The following NEBL variants were observed in gnomAD, a reference collection of about 807,000 sequenced individuals.
The protein encoded by NEBL is nebulette, also known as LIM and SH3 protein 2.
NEBL carries 122 observed loss-of-function variants against 140.2 expected under a neutral mutation model. The observed-to-expected ratio is 0.87, with a 90% CI of 0.75 to 1.01. The LOEUF is 1.01. Among genes scored for constraint, NEBL ranks in the 50% least tolerant of loss-of-function variants. The probability of loss-of-function intolerance (pLI) is 0.00; values close to 1 mark genes in which losing one functional copy is unlikely to be tolerated. For missense variants in NEBL, 1,365 were observed against 1,231.3 expected (o/e 1.11, Z -1.62); for synonymous variants, 436 against 398.9 (o/e 1.09, Z -1.11).
upstream of NEBL, among the ~76,000 whole-genome samples, chr10:20,901,875 G>A (rs528078176): frequency 3.9e-5 from 6 of 152,272 alleles, no homozygotes; most frequent in Admixed American, 2.6e-4. Flanking sequence ...ACTGATGGAC[G>A]AGGCAAGATA....
At chr10:21,132,175 C>G (rs967592186) in intron 2 of NEBL, among the ~76,000 whole-genome samples, 2 of 152,140 alleles carry the variant, frequency 1.3e-5, no homozygotes, top group Admixed American at 1.3e-4. Context: ...TAACTGCTAA[C>G]CTACTTTCTG....
intron 4 of NEBL, among the ~76,000 whole-genome samples, chr10:20,939,346 T>C (rs1429816736): frequency 6.6e-6 from 1 of 151,976 alleles, no homozygotes; most frequent in African/African-American, 2.4e-5. Context: ...GCTTCTTAAG[T>C]GAAGGAGAAA....
chr10:21,035,666 G>A (rs1036295986), intron 2 of NEBL, among the ~76,000 whole-genome samples: 5 of 152,082 alleles, frequency 3.3e-5, no homozygotes, highest in Admixed American at 2.6e-4. Flanking sequence ...AATGGCATAG[G>A]AAGAAAAGAA....
At chr10:21,280,981 A>G (rs1457743784) in intron 1 of NEBL, among the ~76,000 whole-genome samples, 1 of 152,166 alleles carries the variant, frequency 6.6e-6, no homozygotes, top group Non-Finnish European at 1.5e-5. Flanking sequence ...ATGATATTGT[A>G]TAGGATGGTA....
chr10:20,894,999 G>A (rs1023187542), intron 2 of NEBL, among the ~76,000 whole-genome samples: 13 of 150,726 alleles, frequency 8.6e-5, no homozygotes, highest in Admixed American at 2.6e-4. Context: ...ATTCTACCAT[G>A]CCACAAAAAT....
chr10:20,860,504 T>C (rs1843570298), intron 7 of NEBL, among the ~76,000 whole-genome samples: 3 of 123,322 alleles, frequency 2.4e-5, no homozygotes, highest in Admixed American at 2.2e-4. Flanking sequence ...TCTCCATGTA[T>C]AGAGAAATAT....
intron 4 of NEBL, among the ~76,000 whole-genome samples, chr10:20,945,670 G>A (rs755815497): frequency 6.6e-6 from 1 of 152,160 alleles, no homozygotes; most frequent in Non-Finnish European, 1.5e-5. Context: ...TACTCACCAT[G>A]CAGATCCCAA....
intron 4 of NEBL, among the ~76,000 whole-genome samples, chr10:20,949,272 A>G (rs1835328801): frequency 6.6e-6 from 1 of 152,086 alleles, no homozygotes; most frequent in Non-Finnish European, 1.5e-5. Flanking sequence ...CAGGGAGGGG[A>G]ACATCACACA....
intron 3 of NEBL, chr10:21,020,059 G>A: frequency 7.2e-7 from 1 of 1,394,886 alleles, no homozygotes; most frequent in Non-Finnish European, 1.0e-6. Flanking sequence ...TCTCAGAAGA[G>A]CAGCCTTGTG....
intron 3 of NEBL, among the ~76,000 whole-genome samples, chr10:20,993,738 G>T (rs1837559770): frequency 6.6e-6 from 1 of 152,160 alleles, no homozygotes; most frequent in Non-Finnish European, 1.5e-5. Flanking sequence ...TCTAATAGAA[G>T]ATCTACAGAG....
At chr10:21,049,636 A>G (rs1401927127) in intron 2 of NEBL, among the ~76,000 whole-genome samples, 2 of 152,130 alleles carry the variant, frequency 1.3e-5, no homozygotes, top group Middle Eastern at 3.2e-3. Flanking sequence ...TTGAATCTAC[A>G]CAGTCAAATT....
chr10:21,068,406 C>T (rs1402342799), intron 2 of NEBL, among the ~76,000 whole-genome samples: 1 of 152,178 alleles, frequency 6.6e-6, no homozygotes, highest in Non-Finnish European at 1.5e-5. Flanking sequence ...TTGTACTCTC[C>T]TGGCTACAGG....
chr10:20,798,349 C>T (rs969505160), intron 26 of NEBL, among the ~76,000 whole-genome samples: 6 of 152,138 alleles, frequency 3.9e-5, no homozygotes, highest in African/African-American at 9.7e-5. Flanking sequence ...ACAACCTACA[C>T]GCCTAGGGCT....
intron 4 of NEBL, among the ~76,000 whole-genome samples, chr10:20,949,372 A>T: frequency 6.6e-6 from 1 of 152,170 alleles, no homozygotes; most frequent in Non-Finnish European, 1.5e-5. Context: ...TAGGTGACGG[A>T]TTGATAGGTA....
chr10:20,826,653 T>C (rs1839907141), intron 17 of NEBL, 114 bp from the exon 18 acceptor site: 7 of 796,720 alleles, frequency 8.8e-6, no homozygotes, highest in Non-Finnish European at 1.5e-5. Context: ...ACTGCATCTA[T>C]TTATGAGTGC....
intron 3 of NEBL, among the ~76,000 whole-genome samples, chr10:21,008,593 A>C (rs887453515): frequency 5.9e-5 from 9 of 152,202 alleles, no homozygotes; most frequent in African/African-American, 2.2e-4. Flanking sequence ...TCAAAACCAC[A>C]GTGCGATACC....
At chr10:21,058,331 T>G (rs571757673) in intron 2 of NEBL, among the ~76,000 whole-genome samples, 1 of 152,322 alleles carries the variant, frequency 6.6e-6, no homozygotes, top group African/African-American at 2.4e-5. Flanking sequence ...GGAAGGTGCT[T>G]TAAGCTAAAC....
chr10:21,247,440 G>T (rs929908177), intron 3 of NEBL, among the ~76,000 whole-genome samples: 2 of 152,114 alleles, frequency 1.3e-5, no homozygotes, highest in African/African-American at 4.8e-5. Flanking sequence ...TAGCTGTCTG[G>T]GGTTGGAGTT....
intron 2 of NEBL, among the ~76,000 whole-genome samples, chr10:21,033,018 C>A (rs1833862034): frequency 6.6e-6 from 1 of 152,190 alleles, no homozygotes; most frequent in Non-Finnish European, 1.5e-5. Flanking sequence ...AATACACACA[C>A]ACACACACCT....
Sources: gnomAD v4.1 joint callset for allele counts (sites outside exome capture counted in the v4.1 genomes callset) on GRCh38, gnomAD v4.1.1 for gene constraint, MANE v1.5 for transcripts, NCBI Gene and HGNC (gene_info 2026-07-23, HGNC 2026-07-21) for gene names.